VAMP7: variants seen among roughly 807,000 people sequenced by gnomAD.
VAMP7 encodes the protein vesicle associated membrane protein 7.
VAMP7 carries 14 observed loss-of-function variants against 29.6 expected under a neutral mutation model. That is an observed-to-expected ratio of 0.47 (90% CI 0.31 to 0.74). The LOEUF (loss-of-function observed/expected upper bound fraction) is 0.74, where lower values mean the gene tolerates loss of function less well. Ranked by LOEUF, VAMP7 falls within the 30% of genes least tolerant of loss-of-function variation. VAMP7 has a pLI of 0.05. For missense variants in VAMP7, 223 were observed against 262.4 expected (o/e 0.85, Z 1.04); for synonymous variants, 95 against 88.1 (o/e 1.08, Z -0.44).
intron 5 of VAMP7, among the ~76,000 whole-genome samples, chrX:155,903,923 G>C (rs199837767): frequency 2.6e-5 from 4 of 151,972 alleles, no homozygotes; most frequent in African/African-American, 7.3e-5. Flanking sequence ...TATAGCGGCA[G>C]TATTCACAAT....
chrX:155,939,855 G>T (rs2066718160), intron 7 of VAMP7, 62 bp downstream of exon 7: 9 of 1,311,414 alleles, frequency 6.9e-6, no homozygotes, highest in Non-Finnish European at 9.9e-6. Context: ...TTAGGTACTA[G>T]AATTATTTCT....
intron 5 of VAMP7, among the ~76,000 whole-genome samples, chrX:155,906,837 C>A (rs1346935016): frequency 6.6e-6 from 1 of 152,102 alleles, no homozygotes; most frequent in Non-Finnish European, 1.5e-5. Flanking sequence ...GCTAGAACCT[C>A]CAGTATAATG....
At chrX:155,901,614 T>C (rs1311346573) in intron 5 of VAMP7, among the ~76,000 whole-genome samples, 1 of 152,154 alleles carries the variant, frequency 6.6e-6, no homozygotes, top group Non-Finnish European at 1.5e-5. Flanking sequence ...CCCAGCACCA[T>C]TTATTAAATA....
At chrX:155,936,113 G>A (rs763128791) in intron 6 of VAMP7, among the ~76,000 whole-genome samples, 114 of 152,216 alleles carry the variant, frequency 7.5e-4, no homozygotes, top group African/African-American at 2.5e-3. Flanking sequence ...GCCTCTACTG[G>A]GGGGTACCTC....
intron 2 of VAMP7, among the ~76,000 whole-genome samples, chrX:155,892,444 C>T: frequency 1.3e-5 from 2 of 152,224 alleles, no homozygotes; most frequent in Middle Eastern, 6.8e-3. Context: ...TCTGTGGGCT[C>T]ATCTTTTACT....
intron 2 of VAMP7, among the ~76,000 whole-genome samples, chrX:155,893,111 T>A (rs760321043): frequency 6.6e-6 from 1 of 152,292 alleles, no homozygotes; most frequent in African/African-American, 2.4e-5. Flanking sequence ...GTAGGCTTCT[T>A]GATGGCAGGG....
chrX:155,889,423 A>C (rs1340613434), intron 1 of VAMP7, 35 bp from the exon 2 acceptor site: 3 of 1,595,992 alleles, frequency 1.9e-6, no homozygotes, highest in Admixed American at 1.7e-5. Flanking sequence ...ATGTCAAAGA[A>C]ATATTCTAAA....
intron 6 of VAMP7, among the ~76,000 whole-genome samples, chrX:155,932,187 G>A (rs767713830): frequency 2.5e-3 from 376 of 152,260 alleles, no homozygotes; most frequent in Middle Eastern, 0.01. Context: ...ACTTGGCAAT[G>A]CAGGCTCTTT....
intron 6 of VAMP7, among the ~76,000 whole-genome samples, chrX:155,935,575 A>G (rs982764175): frequency 2.0e-5 from 3 of 151,782 alleles, no homozygotes; most frequent in African/African-American, 7.3e-5. Context: ...ACTTGTCTAC[A>G]TTGGTTATTC....
intron 5 of VAMP7, among the ~76,000 whole-genome samples, chrX:155,907,094 A>G (rs1324486952): frequency 6.6e-6 from 1 of 152,054 alleles, no homozygotes; most frequent in Non-Finnish European, 1.5e-5. Context: ...GATGTATTAT[A>G]ACAATTGATT....
At chrX:155,926,064 G>A (rs903349935) in intron 6 of VAMP7, among the ~76,000 whole-genome samples, 5 of 152,138 alleles carry the variant, frequency 3.3e-5, no homozygotes, top group African/African-American at 4.8e-5. Flanking sequence ...CAGGTTTGTT[G>A]TTCCATTTCA....
In VAMP7 at chrX:155,910,574, C is replaced by G. The variant is rs191885893; in HGVS notation, c.434-9239C>G. ...CTGCACTAGTTTACTTTCCCACCAA[C>G]AGTGTGTAAGTGTTTTTTTTTTTTT... On this transcript the variant is annotated intron_variant, in intron 5 of 7. Transcript: ENST00000286448. 3.1e-3 allele frequency among the ~76,000 whole-genome samples: 469 copies of G among 151,298 alleles called. 1 individual carries two copies. The highest frequency in any genetic ancestry group is 5.0e-3 in the Non-Finnish European group (339 of 67,864).
In VAMP7 at chrX:155,943,754, A is replaced by G. The variant is rs1208668826; in HGVS notation, c.*1803A>G. On this transcript the variant is annotated 3_prime_UTR_variant, in exon 8 of 8. Transcript: ENST00000286448. Reference sequence around the variant, plus strand: ...CAAACTGAAGATGTTAATAAAATTTAAGAGTAATACAATGATTTGCTTGTT... The same window carrying G: ...CAAACTGAAGATGTTAATAAAATTTGAGAGTAATACAATGATTTGCTTGTT... 25 of 152,164 alleles carry G rather than the reference A, an allele frequency of 1.6e-4. 2 individuals carry two copies. The highest frequency in any genetic ancestry group is 1.6e-3 in the Admixed American group (25 of 15,272). 9.4% of individuals were successfully genotyped at this position (152,164 alleles called of 1,614,324 possible).
In VAMP7 at chrX:155,941,902, T is replaced by C; in HGVS notation, c.614T>C (p.Val205Ala). 1 of 1,613,800 alleles carries C rather than the reference T, an allele frequency of 6.2e-7. No homozygotes were observed. Among genetic ancestry groups the C allele is most frequent in the South Asian group, 1.1e-5 (1 of 91,044 alleles). ...CTCCAGGTGTTCATCTATATCATTG[T>C]TTCACCTCTCTGTGGTGGATTTACA... is the stretch of plus-strand genomic sequence containing the variant. ...IVSIVFIYIIVSPLCGGFTWP... is the reference protein window; with the variant it reads ...IVSIVFIYIIASPLCGGFTWP... The change falls in exon 8 of 8, where the codon GTT (valine) becomes GCT (alanine). Residue 205 changes from valine to alanine, a missense_variant. Val to Ala is a moderately conservative substitution (Grantham distance 64, BLOSUM62 0). Transcript: ENST00000286448.
chrX:155,887,720 G>A (rs536782299), intron 1 of VAMP7, among the ~76,000 whole-genome samples: 1 of 152,092 alleles, frequency 6.6e-6, no homozygotes, highest in East Asian at 1.9e-4. Flanking sequence ...CTTGAGCCCG[G>A]GAGTTCAAGA....
At chrX:155,893,041 C>T (rs2065944074) in intron 2 of VAMP7, among the ~76,000 whole-genome samples, 1 of 152,090 alleles carries the variant, frequency 6.6e-6, no homozygotes, top group African/African-American at 2.4e-5. Context: ...GCATGAGCCA[C>T]CGTGCCTGGC....
intron 5 of VAMP7, among the ~76,000 whole-genome samples, chrX:155,906,579 A>G (rs1602952938): frequency 6.6e-6 from 1 of 152,030 alleles, no homozygotes; most frequent in African/African-American, 2.4e-5. Context: ...TTTTTATGCT[A>G]TTGTAAATGG....
At chrX:155,929,313 T>A (rs1308815057) in intron 6 of VAMP7, among the ~76,000 whole-genome samples, 1 of 152,230 alleles carries the variant, frequency 6.6e-6, no homozygotes, top group African/African-American at 2.4e-5. Flanking sequence ...GTATCTAATT[T>A]GTTTACCAAG....
At chrX:155,903,683 A>G (rs1229434405) in intron 5 of VAMP7, among the ~76,000 whole-genome samples, 2 of 152,114 alleles carry the variant, frequency 1.3e-5, no homozygotes, top group African/African-American at 4.8e-5. Context: ...TTAGAATGGC[A>G]GTCATTAAAA....
Sources: gnomAD v4.1 joint callset for allele counts (sites outside exome capture counted in the v4.1 genomes callset) on GRCh38, gnomAD v4.1.1 for gene constraint, MANE v1.5 for transcripts, NCBI Gene and HGNC (gene_info 2026-07-23, HGNC 2026-07-21) for gene names.